Variants in TNS1 observed in about 807,000 individuals in gnomAD.
TNS1 encodes tensin 1.
In TNS1, 62 loss-of-function variants were observed where a neutral mutation model predicts 168.6. The observed-to-expected ratio is 0.37, with a 90% CI of 0.30 to 0.45. The LOEUF (loss-of-function observed/expected upper bound fraction) is 0.45, where lower values mean the gene tolerates loss of function less well. Among genes scored for constraint, TNS1 ranks in the 20% least tolerant of loss-of-function variants. The probability of loss-of-function intolerance (pLI) is 1.00; values close to 1 mark genes in which losing one functional copy is unlikely to be tolerated. For missense variants in TNS1, 2,240 were observed against 2,339.4 expected (o/e 0.96, Z 0.88); for synonymous variants, 934 against 933.2 (o/e 1.00, Z -0.02).
At chr2:217,920,588 T>C (rs1267518868) in intron 3 of TNS1, among the ~76,000 whole-genome samples, 1 of 151,280 alleles carries the variant, frequency 6.6e-6, no homozygotes, top group Non-Finnish European at 1.5e-5. Flanking sequence ...TTTTGCTCTA[T>C]GTCCTGAATT....
rs1958920135 is a variant in TNS1, at chr2:218,033,649, C to A, written c.156+171G>T. On this transcript the variant is annotated intron_variant, in intron 1 of 1. Coordinates refer to the TNS1 transcript ENST00000649572. This position sits in a 1 kb window ranked among gnomAD's most constrained non-coding sequence, Gnocchi z 4.3. ...CCCTCTACCCAACTGGAGGCCCCTT[C>A]ACCCGGTCGTGGTCCTTCCTCCCCC... 6.6e-6 allele frequency among the ~76,000 whole-genome samples: 1 copy of A among 152,154 alleles called. No individual in the cohort carries two copies. The highest frequency in any genetic ancestry group is 1.5e-5 in the Non-Finnish European group (1 of 68,012).
chr2:217,829,918 G>A, intron 22 of TNS1: 1 of 1,612,150 alleles, frequency 6.2e-7, no homozygotes, highest in Non-Finnish European at 8.5e-7. Context: ...GGAGGAAGGA[G>A]AGGCAGGAAA....
At chr2:217,885,946 C>T (rs1574951323) in intron 14 of TNS1, 98 bp downstream of exon 14, 1 of 1,559,268 alleles carries the variant, frequency 6.4e-7, no homozygotes, top group Non-Finnish European at 8.8e-7. Flanking sequence ...TCCTTTCAGC[C>T]CTCTTGAGAA....
intron 2 of TNS1, among the ~76,000 whole-genome samples, chr2:217,983,257 C>T (rs971707084): frequency 6.6e-6 from 1 of 152,190 alleles, no homozygotes; most frequent in Non-Finnish European, 1.5e-5. Context: ...CCCCCAGATA[C>T]ACATGTCAGG....
At chr2:218,019,282 A>G (rs1016413122) in intron 1 of TNS1, among the ~76,000 whole-genome samples, 7 of 152,202 alleles carry the variant, frequency 4.6e-5, no homozygotes, top group South Asian at 2.1e-4. Flanking sequence ...AGAAAAGTTC[A>G]TGCTAAAGGA....
In TNS1 at chr2:218,033,060, G is replaced by A. The variant is rs1033224801; in HGVS notation, c.156+760C>T. On this transcript the variant is annotated intron_variant, in intron 1 of 1. Transcript: ENST00000649572. The surrounding 1 kb of genome is among the most constrained non-coding windows in gnomAD (Gnocchi z 4.3). ...CACCTGCCCCATGTCAAAGCTGGCT[G>A]TGTGGGAGGTGGGGAGGCAGGGACA... Among the ~76,000 whole-genome samples, 1 of 152,170 alleles carries A rather than the reference G, an allele frequency of 6.6e-6. No individual in the cohort carries two copies. Among genetic ancestry groups the A allele is most frequent in the Non-Finnish European group, 1.5e-5 (1 of 68,022 alleles).
intron 3 of TNS1, among the ~76,000 whole-genome samples, chr2:217,931,765 T>C (rs535239464): frequency 1.4e-4 from 21 of 152,324 alleles, no homozygotes; most frequent in African/African-American, 5.1e-4. Flanking sequence ...GCTACTTGAA[T>C]TGTACACATC....
chr2:217,902,451 C>T (rs3791937), intron 6 of TNS1, among the ~76,000 whole-genome samples: 1 of 152,076 alleles, frequency 6.6e-6, no homozygotes, highest in Non-Finnish European at 1.5e-5. Flanking sequence ...AGACAATGGG[C>T]CATATTGATA....
rs752506605 is a variant in TNS1 at position 217,818,494 on chromosome 2, C to T, written c.3838G>A (p.Gly1280Arg). The T allele has an allele frequency of 1.2e-6, 2 of 1,614,238 alleles. No homozygotes were observed. The highest frequency in any genetic ancestry group is 2.2e-5 in the South Asian group (2 of 91,086). ...FSVAGVHTVP[G>R]SPQARHRTVG... ...GTTCTGTGGCGCGCCTGAGGGCTCC[C>T]AGGCACCGTGTGGACGCCAGCCACA... The change falls in exon 24 of 33, where the codon GGG (glycine) becomes AGG (arginine). Residue 1280 changes from glycine to arginine, a missense_variant. This residue lies in a region of TNS1 where 2,131 missense variants were observed against 2,171.2 expected (regional missense o/e 0.98). Coordinates refer to ENST00000682258, the MANE Select transcript of TNS1 (RefSeq NM_001387777.1).
At chr2:217,991,522 A>G (rs1958365815) in intron 1 of TNS1, among the ~76,000 whole-genome samples, 1 of 152,036 alleles carries the variant, frequency 6.6e-6, no homozygotes, top group South Asian at 2.1e-4. Flanking sequence ...CCAAAGAGTC[A>G]TGGTGCCAGA....
chr2:218,005,659 T>C (rs771807408), upstream of TNS1, among the ~76,000 whole-genome samples: 1 of 152,180 alleles, frequency 6.6e-6, no homozygotes, highest in Non-Finnish European at 1.5e-5. Context: ...GTGTTTTGTA[T>C]CCCCAGAGCC....
Position 217,800,742 on chromosome 2 carries a change from A to G in TNS1, c.*3717T>C, listed in dbSNP as rs886580084. The G allele has an allele frequency of 2.6e-5, 4 of 152,098 alleles. No individual in the cohort carries two copies. Among genetic ancestry groups the G allele is most frequent in the African/African-American group, 2.4e-5 (1 of 41,392 alleles). 9.4% of individuals were successfully genotyped at this position (152,098 alleles called of 1,614,324 possible). A position where few individuals can be genotyped will look rare whatever the true frequency, so the allele number is the denominator to read the frequency against. On this transcript the variant is annotated 3_prime_UTR_variant, in exon 33 of 33. Transcript: ENST00000682258. ...GACTCACAGGATCTCCCCAGGTCCT[A>G]AAGCTGAAAAAAAAAGTGGGAGAAG...
At position 217,986,384 on chromosome 2, in the gene TNS1, C is replaced by A. The variant is rs938554534; in HGVS notation, c.148+4558G>T. 1.1e-4 allele frequency among the ~76,000 whole-genome samples: 17 copies of A among 152,374 alleles called. No individual in the cohort carries two copies. In the Middle Eastern group the frequency reaches 0.014, roughly 122 times the overall value. The stretch of plus-strand genomic sequence containing the variant: ...AAACTGCAGGTGACTGTCCCCCATT[C>A]CAGGCTCACCAGAGGCATTGAGAAG... On this transcript the variant is annotated intron_variant, in intron 2 of 32. Coordinates refer to ENST00000682258, the MANE Select transcript of TNS1 (RefSeq NM_001387777.1). The surrounding 1 kb of genome is among the most constrained non-coding windows in gnomAD (Gnocchi z 4.7).
At chr2:217,853,189 C>T (rs1385608096) in intron 18 of TNS1, among the ~76,000 whole-genome samples, 1 of 152,076 alleles carries the variant, frequency 6.6e-6, no homozygotes, top group East Asian at 1.9e-4. Context: ...TCCATCAAGG[C>T]AGGAAGGGCA....
upstream of TNS1, among the ~76,000 whole-genome samples, chr2:218,004,327 G>A (rs757519701): frequency 1.3e-5 from 2 of 152,122 alleles, no homozygotes; most frequent in Non-Finnish European, 2.9e-5. Flanking sequence ...TGCTATACAT[G>A]CCCTGGGGCC....
At chr2:217,860,895 T>C (rs553949021) in intron 18 of TNS1, among the ~76,000 whole-genome samples, 1 of 152,238 alleles carries the variant, frequency 6.6e-6, no homozygotes, top group East Asian at 1.9e-4. Context: ...GGCAACCCCA[T>C]CTGATGGTTC....
At chr2:217,855,881 A>G (rs1292964319) in intron 18 of TNS1, among the ~76,000 whole-genome samples, 2 of 152,180 alleles carry the variant, frequency 1.3e-5, no homozygotes, top group South Asian at 2.1e-4. Context: ...ACATGAAGAC[A>G]TGTATTCCTC....
intron 19 of TNS1, chr2:217,841,210 G>A: frequency 2.0e-6 from 2 of 984,372 alleles, no homozygotes; most frequent in East Asian, 1.1e-4. Flanking sequence ...AGAGAGGGAG[G>A]AAGATTGGAG....
Position 217,804,558 on chromosome 2 carries a change from G to T in TNS1, c.5421C>A (p.Asn1807Lys). The T allele has an allele frequency of 2.5e-6, 4 of 1,614,148 alleles. No individual in the cohort carries two copies. Among genetic ancestry groups the T allele is most frequent in the Non-Finnish European group, 3.4e-6 (4 of 1,179,992 alleles). ...CAAGCTCAGCAAAGAGGTGGCAGGC[G>T]TTGTCCGTGGTGCTGCCCTGCTTCC... ...VARKQGSTTD[N>K]ACHLFAELDP... The change falls in exon 33 of 33, where the codon AAC becomes AAA. Residue 1807 changes from asparagine to lysine, a missense_variant. This residue lies in a region of TNS1 where 109 missense variants were observed against 168.1 expected (regional missense o/e 0.65). Coordinates refer to ENST00000682258, the MANE Select transcript of TNS1 (RefSeq NM_001387777.1).
Sources: allele counts gnomAD v4.1 joint callset (sites outside exome capture counted in the v4.1 genomes callset), GRCh38; gene constraint gnomAD v4.1.1; regional missense constraint gnomAD v4.1.1; non-coding constraint Gnocchi (gnomAD v3.1); transcripts MANE v1.5; gene names NCBI Gene and HGNC (gene_info 2026-07-23, HGNC 2026-07-21).